Variants in PRKCI observed in about 807,000 individuals in gnomAD.
PRKCI encodes the protein protein kinase C iota type.
PRKCI carries 43 observed loss-of-function variants against 84.0 expected under a neutral mutation model. The observed-to-expected ratio is 0.51, with a 90% CI of 0.40 to 0.66. PRKCI has a LOEUF of 0.66. PRKCI is among the 30% of genes least tolerant of loss of function. PRKCI has a pLI of 0.00. For synonymous variants in PRKCI, 216 were observed against 234.4 expected, an observed-to-expected ratio of 0.92 and a Z score of 0.72; for missense variants, 459 against 745.6, an observed-to-expected ratio of 0.62 and a Z score of 4.48.
intron 2 of PRKCI, among the ~76,000 whole-genome samples, chr3:170,256,297 T>C (rs1733582014): frequency 6.6e-6 from 1 of 152,178 alleles, no homozygotes; most frequent in Non-Finnish European, 1.5e-5. Flanking sequence ...AGCCATTGGA[T>C]CCTGGGCTTT....
rs148843944 is a variant in PRKCI at position 170,270,486 on chromosome 3, C to T, written c.516C>T (p.Ile172=). ...TTGGACGCCAAGGATATAAGTGCAT[C>T]AACTGCAAACTCTTGGTTCATAAGA... ...WGLGRQGYKC[I]NCKLLVHKKC... The change falls in exon 6 of 18, where the codon ATC becomes ATT. Residue 172 remains isoleucine, a synonymous_variant. Coordinates refer to ENST00000295797, the MANE Select transcript of PRKCI (RefSeq NM_002740.6). The T allele has an allele frequency of 8.2e-5, 132 of 1,613,224 alleles. No homozygotes were observed. The African/African-American group carries it at 1.5e-3, about 18-fold the overall frequency.
At chr3:170,302,176 C>T (rs1005753704) in intron 17 of PRKCI, among the ~76,000 whole-genome samples, 1 of 152,168 alleles carries the variant, frequency 6.6e-6, no homozygotes, top group Non-Finnish European at 1.5e-5. Flanking sequence ...TTTTCTTCAG[C>T]ATCATCTAAC....
intron 17 of PRKCI, among the ~76,000 whole-genome samples, chr3:170,299,622 A>T (rs1483632820): frequency 1.3e-5 from 2 of 152,230 alleles, no homozygotes; most frequent in Non-Finnish European, 2.9e-5. Flanking sequence ...CCTTTGCTTT[A>T]TAGTGCATTA....
At position 170,284,508 on chromosome 3, in the gene PRKCI, G is replaced by A. The variant is rs772611163; in HGVS notation, c.1115G>A (p.Arg372Gln). The A allele has an allele frequency of 3.7e-6, 6 of 1,601,488 alleles. No individual in the cohort carries two copies. Among genetic ancestry groups the A allele is most frequent in the Non-Finnish European group, 5.1e-6 (6 of 1,169,498 alleles). ...ISLALNYLHE[R>Q]GIIYRDLKLD... Reference sequence around the variant, plus strand: ...CTAGCATTAAATTATCTTCATGAGCGAGGGATAATTTATAGAGATTTGAAA... The same window carrying A: ...CTAGCATTAAATTATCTTCATGAGCAAGGGATAATTTATAGAGATTTGAAA... The change falls in exon 12 of 18, where the codon CGA becomes CAA. Residue 372 changes from arginine to glutamine, a missense_variant. Around this residue, in one of 2 missense-constraint regions of PRKCI, gnomAD observed 209 missense variants for 425.9 expected, o/e 0.49. Coordinates refer to ENST00000295797, the MANE Select transcript of PRKCI (RefSeq NM_002740.6).
chr3:170,284,943 A>G (rs1577369770), intron 12 of PRKCI, among the ~76,000 whole-genome samples: 1 of 152,324 alleles, frequency 6.6e-6, no homozygotes, highest in Admixed American at 6.5e-5. Context: ...GCCATTTAGT[A>G]GTGAATCTTA....
chr3:170,292,941 C>T (rs1422021366), intron 13 of PRKCI, among the ~76,000 whole-genome samples: 13 of 122,480 alleles, frequency 1.1e-4, no homozygotes, highest in Admixed American at 3.5e-4. Flanking sequence ...CTCGGGAGGC[C>T]GAGGCAGGAG....
intron 2 of PRKCI, among the ~76,000 whole-genome samples, chr3:170,237,417 C>T (rs1392074508): frequency 6.6e-6 from 1 of 152,076 alleles, no homozygotes; most frequent in Admixed American, 6.6e-5. Context: ...TAAAGGCCTA[C>T]ATATTGGGTA....
At chr3:170,263,803 G>GAA (rs931857821) in intron 4 of PRKCI, among the ~76,000 whole-genome samples, 3 of 143,598 alleles carry the variant, frequency 2.1e-5, no homozygotes, top group African/African-American at 7.6e-5. Context: ...GTCTCAAGGG[G>GAA]AAAAAAAAAA....
At chr3:170,225,937 G>A (rs1732617718) in intron 1 of PRKCI, among the ~76,000 whole-genome samples, 1 of 151,078 alleles carries the variant, frequency 6.6e-6, no homozygotes, top group Admixed American at 6.6e-5. Flanking sequence ...TTTGGAGATG[G>A]AGTCTCGCTC....
chr3:170,287,780 C>G (rs955799393), intron 12 of PRKCI, among the ~76,000 whole-genome samples: 4 of 151,490 alleles, frequency 2.6e-5, no homozygotes, highest in Admixed American at 2.6e-4. Context: ...GGCATGGTGG[C>G]ACACCTGTGG....
intron 12 of PRKCI, among the ~76,000 whole-genome samples, chr3:170,287,846 T>C (rs1734432591): frequency 6.8e-6 from 1 of 147,326 alleles, no homozygotes; most frequent in South Asian, 2.1e-4. Flanking sequence ...GAGGCAGAGG[T>C]TGCAGTGAGT....
chr3:170,237,732 A>G (rs1733015815), intron 2 of PRKCI, among the ~76,000 whole-genome samples: 1 of 152,198 alleles, frequency 6.6e-6, no homozygotes, highest in Non-Finnish European at 1.5e-5. Context: ...ACATAAACAC[A>G]TTCTCATTTT....
chr3:170,258,504 T>TGGA, intron 2 of PRKCI, among the ~76,000 whole-genome samples: 1 of 151,614 alleles, frequency 6.6e-6, no homozygotes, highest in Admixed American at 6.6e-5. Context: ...TGGGCTTTCA[T>TGGA]CATGTTGGCC....
rs780369425 is a variant in PRKCI at position 170,291,960 on chromosome 3, G to A, written c.1291+19G>A. On this transcript the variant is annotated intron_variant, in intron 13 of 17. Coordinates refer to ENST00000295797, the MANE Select transcript of PRKCI (RefSeq NM_002740.6). ...GATTATGGTAATAAATAAATTGGTGGTATTATTTTAGCTATTGCTAGATGG... is the reference window on the plus strand; with the variant it reads ...GATTATGGTAATAAATAAATTGGTGATATTATTTTAGCTATTGCTAGATGG... 53 of 1,539,314 alleles carry A rather than the reference G, an allele frequency of 3.4e-5. No individual in the cohort carries two copies. The highest frequency in any genetic ancestry group is 4.6e-5 in the Non-Finnish European group (51 of 1,112,608).
rs1185329895 is a variant in PRKCI, at chr3:170,298,378, G to A, written c.1588-617G>A. On this transcript the variant is annotated intron_variant, in intron 16 of 17. Coordinates refer to ENST00000295797, the MANE Select transcript of PRKCI (RefSeq NM_002740.6). Reference sequence around the variant, plus strand: ...CAAGTAGCTGGGACTACAGGCATAAGCCATGGTACCCAGCTAATTTTCAAT... The same window carrying A: ...CAAGTAGCTGGGACTACAGGCATAAACCATGGTACCCAGCTAATTTTCAAT... 9.3e-5 allele frequency among the ~76,000 whole-genome samples: 14 copies of A among 151,270 alleles called. No homozygotes were observed. The East Asian group carries it at 2.5e-3, about 27-fold the overall frequency.
chr3:170,302,242 A>G (rs1434363165), intron 17 of PRKCI, among the ~76,000 whole-genome samples: 1 of 152,194 alleles, frequency 6.6e-6, no homozygotes, highest in African/African-American at 2.4e-5. Context: ...GACCTACCAC[A>G]GTCTTTCATC....
At chr3:170,269,731 T>A (rs575875020) in intron 5 of PRKCI, among the ~76,000 whole-genome samples, 1 of 151,930 alleles carries the variant, frequency 6.6e-6, no homozygotes, top group Non-Finnish European at 1.5e-5. Context: ...CTGAGGTGGG[T>A]GGATCACCTG....
chr3:170,277,722 T>C (rs1328158987), intron 8 of PRKCI, among the ~76,000 whole-genome samples: 1 of 151,146 alleles, frequency 6.6e-6, no homozygotes, highest in Non-Finnish European at 1.5e-5. Context: ...AAATTACAAA[T>C]AACACTTTTA....
chr3:170,281,178 G>A lies in PRKCI; in HGVS notation c.895G>A (p.Val299Ile), dbSNP rs2108859089. 6.2e-7 allele frequency: 1 copy of A among 1,612,830 alleles called. No homozygotes were observed. The highest frequency in any genetic ancestry group is 8.5e-7 in the Non-Finnish European group (1 of 1,179,548). ...LVNDDEDIDW[V>I]QTEKHVFEQA... ...TGTTTCAAAATAGGATATTGATTGG[G>A]TACAGACAGAGAAGCATGTGTTTGA... is the stretch of plus-strand genomic sequence containing the variant. The change falls in exon 10 of 18, where the codon GTA becomes ATA. Residue 299 changes from valine to isoleucine, a missense_variant. Val to Ile is a conservative substitution (Grantham distance 29). This residue lies in a region of PRKCI where 209 missense variants were observed against 425.9 expected (regional missense o/e 0.49). Transcript: ENST00000295797.
Sources: allele counts gnomAD v4.1 joint callset (sites outside exome capture counted in the v4.1 genomes callset), GRCh38; gene constraint gnomAD v4.1.1; regional missense constraint gnomAD v4.1.1; transcripts MANE v1.5; gene names NCBI Gene and HGNC (gene_info 2026-07-23, HGNC 2026-07-21).